HSD17B12: variants seen among roughly 807,000 people sequenced by gnomAD.
The protein encoded by HSD17B12 is hydroxysteroid 17-beta dehydrogenase 12, also known as very-long-chain 3-oxoacyl-CoA reductase.
Under a neutral mutation model 39.3 loss-of-function variants are expected in HSD17B12, and 32 were observed. The observed-to-expected ratio is 0.81, with a 90% CI of 0.61 to 1.09. The LOEUF (loss-of-function observed/expected upper bound fraction) is 1.09, where lower values mean the gene tolerates loss of function less well. Among genes scored for constraint, HSD17B12 ranks in the 50% least tolerant of loss-of-function variants. The probability of loss-of-function intolerance (pLI) is 0.00; values close to 1 mark genes in which losing one functional copy is unlikely to be tolerated. For missense variants in HSD17B12, 342 were observed against 382.9 expected (o/e 0.89, Z 0.89); for synonymous variants, 150 against 146.7 (o/e 1.02, Z -0.16).
intron 1 of HSD17B12, among the ~76,000 whole-genome samples, chr11:43,711,174 A>G (rs892827844): frequency 1.3e-5 from 2 of 152,178 alleles, no homozygotes; most frequent in Admixed American, 1.3e-4. Context: ...AATTTGTGGG[A>G]TTTCTATAAA....
intron 3 of HSD17B12, among the ~76,000 whole-genome samples, chr11:43,788,916 G>C (rs1333665170): frequency 6.6e-6 from 1 of 152,062 alleles, no homozygotes; most frequent in African/African-American, 2.4e-5. Context: ...GAATGAGGGG[G>C]CCCCACATTT....
chr11:43,620,877 G>T, the HSD17B12 span, among the ~76,000 whole-genome samples: 3 of 152,154 alleles, frequency 2.0e-5, no homozygotes, highest in Admixed American at 6.5e-5. Context: ...TAACTCCCAG[G>T]AACAATAATG....
At chr11:43,757,639 CAAAAA>C (rs60598991) in intron 3 of HSD17B12, among the ~76,000 whole-genome samples, 7 of 7,202 alleles carry the variant, frequency 9.7e-4, no homozygotes, top group African/African-American at 2.7e-3. Context: ...GACTCCGTCT[CAAAAA>C]AAAAAAAAAA....
At chr11:43,729,377 T>A (rs1397338114) in intron 1 of HSD17B12, among the ~76,000 whole-genome samples, 1 of 152,224 alleles carries the variant, frequency 6.6e-6, no homozygotes, top group Non-Finnish European at 1.5e-5. Context: ...TTAAATTAAT[T>A]AATTGCAAAG....
chr11:43,620,386 T>A, the HSD17B12 span, among the ~76,000 whole-genome samples: 1 of 152,204 alleles, frequency 6.6e-6, no homozygotes, highest in Non-Finnish European at 1.5e-5. Context: ...CGAGTTCTCA[T>A]CAGTCTCACT....
At chr11:43,673,492 C>CTTTTCTTT in the HSD17B12 span, 20,530 of 84,284 alleles carry the variant, frequency 0.24, 3,406 homozygotes, top group East Asian at 0.53. Context: ...CTTTTCTTTT[C>CTTTTCTTT]TTTTTTTTTT....
the HSD17B12 span, among the ~76,000 whole-genome samples, chr11:43,652,416 A>C: frequency 6.6e-6 from 1 of 152,188 alleles, no homozygotes; most frequent in Non-Finnish European, 1.5e-5. Flanking sequence ...CCAGACAAGC[A>C]AGCAGTTCTG....
In HSD17B12 at chr11:43,805,622, T is replaced by C. The variant is rs117407603; in HGVS notation, c.391+7195T>C. On this transcript the variant is annotated intron_variant, in intron 4 of 10. Coordinates refer to ENST00000278353, the MANE Select transcript of HSD17B12 (RefSeq NM_016142.3). ...ATTATTCTAGGTATATAGGAAAGGG[T>C]TATAAGAGGATCATGGGATGATTGT... 1.0e-2 allele frequency among the ~76,000 whole-genome samples: 1,520 copies of C among 152,136 alleles called. 11 individuals carry two copies. The highest frequency in any genetic ancestry group is 0.015 in the Non-Finnish European group (1,039 of 67,972).
intron 3 of HSD17B12, among the ~76,000 whole-genome samples, chr11:43,769,004 C>T (rs547127643): frequency 6.6e-6 from 1 of 152,226 alleles, no homozygotes; most frequent in Non-Finnish European, 1.5e-5. Flanking sequence ...CCACCAGACT[C>T]AGAAGCTCAG....
At chr11:43,595,379 T>A in the HSD17B12 span, among the ~76,000 whole-genome samples, 2 of 152,246 alleles carry the variant, frequency 1.3e-5, no homozygotes, top group Non-Finnish European at 2.9e-5. Flanking sequence ...TGAATTCAGA[T>A]CAGCTGGTAA....
chr11:43,757,404 C>T (rs559534172), intron 3 of HSD17B12, among the ~76,000 whole-genome samples: 1 of 151,122 alleles, frequency 6.6e-6, no homozygotes, highest in East Asian at 1.9e-4. Context: ...GAGGCCGAGG[C>T]GGGTGGATCA....
chr11:43,841,250 G>A (rs1277713443), intron 9 of HSD17B12, among the ~76,000 whole-genome samples: 6 of 152,142 alleles, frequency 3.9e-5, no homozygotes, highest in Admixed American at 1.3e-4. Flanking sequence ...TTGTCATTGG[G>A]TTGTAGGAAT....
chr11:43,639,392 T>G, the HSD17B12 span, among the ~76,000 whole-genome samples: 1 of 152,180 alleles, frequency 6.6e-6, no homozygotes, highest in Non-Finnish European at 1.5e-5. Flanking sequence ...TCTGCTTCCC[T>G]TGGCTGCTCC....
intron 3 of HSD17B12, among the ~76,000 whole-genome samples, chr11:43,763,817 C>T (rs1950574202): frequency 6.6e-6 from 1 of 151,898 alleles, no homozygotes. Context: ...TCCAGGGCAA[C>T]CAAAGATTCT....
chr11:43,732,514 G>C (rs758625019), intron 1 of HSD17B12, among the ~76,000 whole-genome samples: 1 of 151,902 alleles, frequency 6.6e-6, no homozygotes, highest in Non-Finnish European at 1.5e-5. Context: ...CCAGGATGAA[G>C]TGTTGTGGCC....
Position 43,855,438 on chromosome 11 carries a change from C to T in HSD17B12, c.*190C>T, listed in dbSNP as rs996573120. The T allele has an allele frequency of 1.4e-5, 5 of 358,364 alleles. No homozygotes were observed. Among genetic ancestry groups the T allele is most frequent in the South Asian group, 8.0e-5 (1 of 12,546 alleles). The allele number at this position is 358,364 out of a possible 1,614,324, so 22.2% of individuals were successfully genotyped here. A position where few individuals can be genotyped will look rare whatever the true frequency, so the allele number is the denominator to read the frequency against. On this transcript the variant is annotated 3_prime_UTR_variant, in exon 11 of 11. Coordinates refer to ENST00000278353, the MANE Select transcript of HSD17B12 (RefSeq NM_016142.3). ...TCTGACATATATTCTGGATACTATC[C>T]GAGGTAATTTTGAAGTTTAATATAA...
At chr11:43,807,381 G>A (rs1309380689) in intron 4 of HSD17B12, among the ~76,000 whole-genome samples, 3 of 152,084 alleles carry the variant, frequency 2.0e-5, no homozygotes, top group African/African-American at 7.2e-5. Context: ...TGGAGGAAAC[G>A]GCATGTACAA....
intron 7 of HSD17B12, 129 bp from the exon 8 acceptor site, chr11:43,838,188 G>C (rs867252563): frequency 2.9e-6 from 2 of 682,672 alleles, no homozygotes; most frequent in Middle Eastern, 2.9e-4. Context: ...ATGAAAGGCA[G>C]GGAGAGATAT....
At chr11:43,823,062 G>T (rs931262984) in intron 6 of HSD17B12, among the ~76,000 whole-genome samples, 5 of 151,474 alleles carry the variant, frequency 3.3e-5, no homozygotes, top group African/African-American at 1.2e-4. Context: ...CTTTTTTTGG[G>T]GGGGTCAGTA....
Sources: allele counts gnomAD v4.1 joint callset (sites outside exome capture counted in the v4.1 genomes callset), GRCh38; gene constraint gnomAD v4.1.1; transcripts MANE v1.5; gene names NCBI Gene and HGNC (gene_info 2026-07-23, HGNC 2026-07-21).